ILRUN: variants seen among roughly 807,000 people sequenced by gnomAD.
ILRUN encodes the protein protein ILRUN.
ILRUN carries 3 observed loss-of-function variants against 33.8 expected under a neutral mutation model. That is an observed-to-expected ratio of 0.09 (90% CI 0.04 to 0.23). The LOEUF (loss-of-function observed/expected upper bound fraction) is 0.23. Ranked by LOEUF, ILRUN falls within the 10% of genes least tolerant of loss-of-function variation. The pLI is 1.00. For synonymous variants in ILRUN, 124 were observed against 138.9 expected (o/e 0.89, Z 0.75); for missense variants, 210 against 375.1 (o/e 0.56, Z 3.64).
chr6:34,683,863 G>C (rs1763460010), intron 1 of ILRUN, among the ~76,000 whole-genome samples: 1 of 152,064 alleles, frequency 6.6e-6, no homozygotes, highest in South Asian at 2.1e-4. Flanking sequence ...TGGAGTTTGA[G>C]ACCAGCCTGG....
intron 4 of ILRUN, among the ~76,000 whole-genome samples, chr6:34,601,401 G>GCA (rs200202414): frequency 0.023 from 3,530 of 152,186 alleles, 60 homozygotes; most frequent in Non-Finnish European, 0.034. Context: ...AACCTTTCAT[G>GCA]GAGAGGATCT....
intron 3 of ILRUN, among the ~76,000 whole-genome samples, chr6:34,643,326 T>C (rs1370538033): frequency 1.3e-5 from 2 of 149,538 alleles, no homozygotes; most frequent in Non-Finnish European, 3.0e-5. Context: ...TGCGTGTGTG[T>C]GTGTGTGTTA....
At chr6:34,660,473 A>G (rs1762866659) in intron 1 of ILRUN, among the ~76,000 whole-genome samples, 1 of 152,204 alleles carries the variant, frequency 6.6e-6, no homozygotes, top group African/African-American at 2.4e-5. Flanking sequence ...TTATTTGGAC[A>G]CAAATTAAAA....
At chr6:34,663,018 C>T (rs918910083) in intron 1 of ILRUN, among the ~76,000 whole-genome samples, 4 of 151,686 alleles carry the variant, frequency 2.6e-5, no homozygotes, top group African/African-American at 4.8e-5. Flanking sequence ...CCCTTGAGCC[C>T]GGGAGTTCAA....
intron 3 of ILRUN, among the ~76,000 whole-genome samples, chr6:34,628,577 C>T (rs1332843659): frequency 1.3e-5 from 2 of 152,108 alleles, no homozygotes; most frequent in African/African-American, 2.4e-5. Flanking sequence ...CATGATCCGC[C>T]CGCCTCGGCC....
chr6:34,612,257 A>C (rs1761772483), intron 3 of ILRUN, among the ~76,000 whole-genome samples: 1 of 152,048 alleles, frequency 6.6e-6, no homozygotes, highest in Non-Finnish European at 1.5e-5. Flanking sequence ...ACGGTGAAAC[A>C]CTGTTTCCAC....
chr6:34,696,577 G>A lies in ILRUN; in HGVS notation c.27C>T (p.Asp9=), dbSNP rs1257229568. MEGMDVDL[D]PELMQKFSCL... ...AGCTGAACTTCTGCATCAGCTCCGGGTCCAGGTCTACGTCCATGCCCTCCA... is the reference window on the plus strand; with the variant it reads ...AGCTGAACTTCTGCATCAGCTCCGGATCCAGGTCTACGTCCATGCCCTCCA... Residue 9 remains aspartate (D), a synonymous_variant, in exon 1 of 5, where the codon GAC becomes GAT. Transcript: ENST00000374023. 1 of 1,612,254 alleles carries A rather than the reference G, an allele frequency of 6.2e-7. No homozygotes were observed. Among genetic ancestry groups the A allele is most frequent in the Admixed American group, 1.7e-5 (1 of 59,984 alleles).
chr6:34,694,218 T>A (rs1056428929), intron 1 of ILRUN, among the ~76,000 whole-genome samples: 2 of 152,226 alleles, frequency 1.3e-5, no homozygotes, highest in East Asian at 3.9e-4. Context: ...ACATATAAAA[T>A]TCATTACACT....
chr6:34,678,486 T>C (rs1289854947), intron 1 of ILRUN, among the ~76,000 whole-genome samples: 1 of 152,150 alleles, frequency 6.6e-6, no homozygotes. Flanking sequence ...TACTATCCGA[T>C]AGGGCTTCAT....
intron 3 of ILRUN, among the ~76,000 whole-genome samples, chr6:34,623,159 T>C (rs987061454): frequency 6.6e-6 from 1 of 152,126 alleles, no homozygotes; most frequent in Non-Finnish European, 1.5e-5. Flanking sequence ...TAGAGGTGAA[T>C]AGTGGTGATG....
intron 1 of ILRUN, among the ~76,000 whole-genome samples, chr6:34,683,897 T>A (rs1440070783): frequency 6.6e-6 from 1 of 152,002 alleles, no homozygotes; most frequent in Non-Finnish European, 1.5e-5. Flanking sequence ...ACCCTGTCTC[T>A]ACTAAAAATA....
chr6:34,595,072 A>G (rs540623003), intron 4 of ILRUN, among the ~76,000 whole-genome samples: 4 of 152,248 alleles, frequency 2.6e-5, no homozygotes, highest in Non-Finnish European at 5.9e-5. Context: ...GCTCAGTCTC[A>G]TCCTTATCAA....
In ILRUN at chr6:34,606,429, A is replaced by C. The variant is rs966415911; in HGVS notation, c.861+126T>G. The C allele has an allele frequency of 6.0e-6, 4 of 668,504 alleles. No homozygotes were observed. In the Admixed American group the frequency reaches 1.2e-4, roughly 20 times the overall value. 41.4% of individuals were successfully genotyped at this position (668,504 alleles called of 1,614,324 possible). On this transcript the variant is annotated intron_variant, in intron 4 of 4. Coordinates refer to ENST00000374023, the MANE Select transcript of ILRUN (RefSeq NM_024294.4). The stretch of plus-strand genomic sequence containing the variant: ...CTTTTGCATTGTTGCTATTGGCAGG[A>C]GAGCTGAGCAGTCTTAAAGAACCTC...
intron 1 of ILRUN, among the ~76,000 whole-genome samples, chr6:34,682,042 T>TTTTTTTTTCC (rs1763372101): frequency 1.1e-5 from 1 of 87,090 alleles, no homozygotes; most frequent in African/African-American, 6.0e-5. Flanking sequence ...ATTTTTTTAC[T>TTTTTTTTTCC]TTTTTTTTTT....
intron 3 of ILRUN, among the ~76,000 whole-genome samples, chr6:34,637,843 T>TGCTGC (rs1562012558): frequency 8.1e-4 from 115 of 141,322 alleles, no homozygotes; most frequent in African/African-American, 2.0e-3. Flanking sequence ...GCTGTTGTTG[T>TGCTGC]TGCTGCTGCT....
intron 1 of ILRUN, 69 bp downstream of exon 1, chr6:34,696,375 CAA>C (rs1763773788): frequency 1.4e-6 from 2 of 1,464,282 alleles, no homozygotes; most frequent in Middle Eastern, 1.9e-4. Context: ...CCGCCAAGCT[CAA>C]GTGTCCCTTC....
At chr6:34,658,734 G>A (rs1762828648) in intron 1 of ILRUN, among the ~76,000 whole-genome samples, 1 of 152,104 alleles carries the variant, frequency 6.6e-6, no homozygotes, top group South Asian at 2.1e-4. Context: ...TTGAACCTCA[G>A]GAGGCAGAGT....
intron 1 of ILRUN, chr6:34,686,566 A>G (rs1242440266): frequency 5.0e-6 from 1 of 201,430 alleles, no homozygotes; most frequent in Non-Finnish European, 1.1e-5. Flanking sequence ...AAAATGGGCA[A>G]AGCCTTTTTG....
chr6:34,641,862 T>TA (rs986475837), intron 3 of ILRUN, among the ~76,000 whole-genome samples: 7 of 151,686 alleles, frequency 4.6e-5, no homozygotes, highest in Non-Finnish European at 5.9e-5. Flanking sequence ...AAATTAAATC[T>TA]AAAAAAAAGA....
Sources: gnomAD v4.1 joint callset for allele counts (sites outside exome capture counted in the v4.1 genomes callset) on GRCh38, gnomAD v4.1.1 for gene constraint, MANE v1.5 for transcripts, NCBI Gene and HGNC (gene_info 2026-07-23, HGNC 2026-07-21) for gene names.